PRRX1: variants seen among roughly 807,000 people sequenced by gnomAD.
The protein encoded by PRRX1 is paired mesoderm homeobox protein 1.
In PRRX1, 8 loss-of-function variants were observed where a neutral mutation model predicts 24.0. That is an observed-to-expected ratio of 0.33 (90% CI 0.20 to 0.60). The LOEUF (loss-of-function observed/expected upper bound fraction) is 0.60. Among genes scored for constraint, PRRX1 ranks in the 20% least tolerant of loss-of-function variants. The pLI is 0.82. For missense variants in PRRX1, 281 were observed against 322.4 expected, an observed-to-expected ratio of 0.87 and a Z score of 0.98; for synonymous variants, 160 against 131.7, an observed-to-expected ratio of 1.22 and a Z score of -1.47.
intron 1 of PRRX1, among the ~76,000 whole-genome samples, chr1:170,718,141 A>G (rs904272637): frequency 6.6e-6 from 1 of 152,178 alleles, no homozygotes; most frequent in Non-Finnish European, 1.5e-5. Context: ...TTTCTACAGA[A>G]ACAGTCTTCT....
At chr1:170,708,896 A>T (rs996664680) in intron 1 of PRRX1, among the ~76,000 whole-genome samples, 2 of 152,222 alleles carry the variant, frequency 1.3e-5, no homozygotes, top group African/African-American at 4.8e-5. Flanking sequence ...ACCTTATTAC[A>T]GAAACTGATC....
At chr1:170,664,090 T>C (rs1446375123), upstream of PRRX1, 6 of 562,538 alleles carry the variant, frequency 1.1e-5, no homozygotes, top group African/African-American at 1.9e-5. Context: ...TCTTCCTCCC[T>C]CTCTCTCTCT....
chr1:170,694,185 A>G (rs549281945), intron 1 of PRRX1, among the ~76,000 whole-genome samples: 31 of 152,220 alleles, frequency 2.0e-4, no homozygotes, highest in Non-Finnish European at 3.7e-4. Context: ...GTACCTGCCA[A>G]CACATGAAAC....
At chr1:170,688,771 G>A (rs1046680509) in intron 1 of PRRX1, among the ~76,000 whole-genome samples, 1 of 152,042 alleles carries the variant, frequency 6.6e-6, no homozygotes, top group Non-Finnish European at 1.5e-5. Flanking sequence ...GTTTGTCTTT[G>A]TTCTGGGAAC....
chr1:170,688,605 A>G (rs1371266743), intron 1 of PRRX1, among the ~76,000 whole-genome samples: 1 of 152,158 alleles, frequency 6.6e-6, no homozygotes, highest in Non-Finnish European at 1.5e-5. Flanking sequence ...AACCTCCTAT[A>G]GTCTGCTGAC....
chr1:170,691,141 T>C (rs2101898002), intron 1 of PRRX1, among the ~76,000 whole-genome samples: 1 of 152,282 alleles, frequency 6.6e-6, no homozygotes, highest in Non-Finnish European at 1.5e-5. Context: ...CACCACTGTT[T>C]TTCCAGTGCC....
chr1:170,731,910 G>A (rs1655449331), intron 3 of PRRX1, among the ~76,000 whole-genome samples: 2 of 152,168 alleles, frequency 1.3e-5, no homozygotes, highest in Admixed American at 1.3e-4. Flanking sequence ...CAGTAATGTG[G>A]TTTCTTGGTC....
chr1:170,687,088 T>C (rs1653768514), intron 1 of PRRX1, among the ~76,000 whole-genome samples: 1 of 150,898 alleles, frequency 6.6e-6, no homozygotes, highest in East Asian at 1.9e-4. Context: ...AAGAGCTTTT[T>C]ACAAAAAGGT....
intron 3 of PRRX1, among the ~76,000 whole-genome samples, chr1:170,732,813 C>T (rs1390820112): frequency 1.3e-5 from 2 of 152,112 alleles, no homozygotes; most frequent in East Asian, 3.9e-4. Flanking sequence ...ACCTATCAAG[C>T]TCCTAGGGAA....
intron 1 of PRRX1, among the ~76,000 whole-genome samples, chr1:170,670,176 C>T (rs561821783): frequency 6.6e-6 from 1 of 152,266 alleles, no homozygotes; most frequent in South Asian, 2.1e-4. Context: ...AGCCCTTTGT[C>T]GAATTCTGTA....
In PRRX1 at chr1:170,736,457, T is replaced by G. The variant is rs1436472139; in HGVS notation, c.*271T>G. ...TTTCTTTCATTCATGCTTTGCTTAA[T>G]GTACTCCAGGCTTCTTCAGCTAGGT... On this transcript the variant is annotated 3_prime_UTR_variant, in exon 4 of 4. Coordinates refer to ENST00000239461, the MANE Select transcript of PRRX1 (RefSeq NM_022716.4). 98 of 482,240 alleles carry G rather than the reference T, an allele frequency of 2.0e-4. No homozygotes were observed. The highest frequency in any genetic ancestry group is 1.8e-3 in the African/African-American group (92 of 51,674). The allele number at this position is 482,240 out of a possible 1,614,324, so 29.9% of individuals were successfully genotyped here.
At chr1:170,733,143 A>G (rs1028841270) in intron 3 of PRRX1, among the ~76,000 whole-genome samples, 3 of 152,190 alleles carry the variant, frequency 2.0e-5, no homozygotes, top group Admixed American at 2.0e-4. Flanking sequence ...AGTATTTCCA[A>G]GAAATGTGTT....
intron 1 of PRRX1, among the ~76,000 whole-genome samples, chr1:170,691,623 T>C (rs1449074969): frequency 6.6e-6 from 1 of 151,726 alleles, no homozygotes; most frequent in African/African-American, 2.4e-5. Context: ...ATTTCAGATA[T>C]ATTGTTGTGT....
chr1:170,718,915 A>G (rs974443788), intron 1 of PRRX1, among the ~76,000 whole-genome samples: 1 of 152,236 alleles, frequency 6.6e-6, no homozygotes, highest in African/African-American at 2.4e-5. Flanking sequence ...GAGAAAACCA[A>G]GGAAGGATCT....
intron 3 of PRRX1, chr1:170,727,985 A>G (rs1655310917): frequency 6.6e-6 from 1 of 152,206 alleles, no homozygotes; most frequent in South Asian, 2.1e-4. Flanking sequence ...TGGTGTGTTC[A>G]TGAACACGCT....
rs945516523 is a variant in PRRX1 at position 170,664,360 on chromosome 1, A to C, written c.142A>C (p.Met48Leu). Residue 48 changes from methionine (M) to leucine (L), a missense_variant, in exon 1 of 4, where the codon ATG becomes CTG. Met to Leu is a conservative substitution (Grantham distance 15, BLOSUM62 2). Transcript: ENST00000239461. Reference protein sequence around the residue: ...HLLDLEEAGDMVAAQADENVG... With the variant: ...HLLDLEEAGDLVAAQADENVG... ...GCTAGACCTGGAGGAAGCCGGGGACATGGTGGCGGCACAGGCGGATGAGAA... is the reference window on the plus strand; with the variant it reads ...GCTAGACCTGGAGGAAGCCGGGGACCTGGTGGCGGCACAGGCGGATGAGAA... 6.2e-7 allele frequency: 1 copy of C among 1,613,846 alleles called. No individual in the cohort carries two copies. The highest frequency in any genetic ancestry group is 1.3e-5 in the African/African-American group (1 of 74,924).
intron 1 of PRRX1, among the ~76,000 whole-genome samples, chr1:170,711,532 GT>G (rs991312298): frequency 2.0e-5 from 3 of 152,054 alleles, no homozygotes; most frequent in African/African-American, 7.2e-5. Flanking sequence ...TCCAGTCTTG[GT>G]TTTTTAGAAC....
At chr1:170,716,540 C>T (rs548180752) in intron 1 of PRRX1, among the ~76,000 whole-genome samples, 13 of 150,900 alleles carry the variant, frequency 8.6e-5, no homozygotes, top group African/African-American at 1.2e-4. Context: ...GCCAAGATCG[C>T]GCCACTGCAC....
intron 1 of PRRX1, among the ~76,000 whole-genome samples, chr1:170,705,900 A>C (rs1310589035): frequency 1.3e-5 from 2 of 149,752 alleles, no homozygotes; most frequent in African/African-American, 4.9e-5. Context: ...GGGCTAAGTC[A>C]CACATATACC....
Sources: gnomAD v4.1 joint callset for allele counts (sites outside exome capture counted in the v4.1 genomes callset) on GRCh38, gnomAD v4.1.1 for gene constraint, MANE v1.5 for transcripts, NCBI Gene and HGNC (gene_info 2026-07-23, HGNC 2026-07-21) for gene names.